KAZN: variants seen among roughly 807,000 people sequenced by gnomAD.
KAZN encodes the protein kazrin, periplakin interacting protein, also known as kazrin.
Under a neutral mutation model 87.4 loss-of-function variants are expected in KAZN, and 40 were observed. The ratio of observed to expected loss-of-function variants is 0.46; its 90% CI spans 0.36 to 0.60. KAZN has a LOEUF of 0.60. Ranked by LOEUF, KAZN falls within the 20% of genes least tolerant of loss-of-function variation. KAZN has a pLI of 0.00. For missense variants in KAZN, 898 were observed against 1,073.9 expected (o/e 0.84, Z 2.29); for synonymous variants, 466 against 458.3 (o/e 1.02, Z -0.22).
chr1:14,451,499 G>C (rs4463663), intron 2 of KAZN, among the ~76,000 whole-genome samples: 60,767 of 151,688 alleles, frequency 0.4, 12,378 homozygotes, highest in Middle Eastern at 0.57. Context: ...GATGGGAGGC[G>C]AGATGTATCA....
Position 14,763,897 on chromosome 1 carries a change from G to A in KAZN, c.226+164674G>A, listed in dbSNP as rs540477778. On this transcript the variant is annotated intron_variant, in intron 1 of 14. Coordinates refer to ENST00000376030, the MANE Select transcript of KAZN (RefSeq NM_201628.3). The stretch of plus-strand genomic sequence containing the variant: ...CCCAAGTAGCTGGGGTTACAGGCAC[G>A]TGCCACCACACCCAGCTAATTTTTG... Among the ~76,000 whole-genome samples the A allele has an allele frequency of 3.3e-5, 5 of 152,152 alleles. No homozygotes were observed. The South Asian group carries it at 6.2e-4, about 19-fold the overall frequency.
chr1:14,492,961 G>A (rs1416039128), intron 2 of KAZN, among the ~76,000 whole-genome samples: 2 of 151,648 alleles, frequency 1.3e-5, no homozygotes, highest in Admixed American at 6.6e-5. Context: ...ATCAGGTCCC[G>A]GCCCTCTTCT....
At chr1:14,473,249 A>AC (rs1668546657) in intron 2 of KAZN, among the ~76,000 whole-genome samples, 1 of 119,730 alleles carries the variant, frequency 8.4e-6, no homozygotes, top group Admixed American at 8.8e-5. Flanking sequence ...GGACATACTT[A>AC]TCTAAAGGTT....
intron 2 of KAZN, among the ~76,000 whole-genome samples, chr1:14,573,900 T>C (rs1433689510): frequency 6.6e-6 from 1 of 152,138 alleles, no homozygotes; most frequent in Non-Finnish European, 1.5e-5. Context: ...AAAAAAGTCT[T>C]AATTAAGATA....
chr1:13,918,713 A>T (rs935626215), intron 1 of KAZN, among the ~76,000 whole-genome samples: 5 of 152,262 alleles, frequency 3.3e-5, no homozygotes, highest in Admixed American at 1.3e-4. Context: ...GGCCACAGCC[A>T]TTCCAACCTT....
At chr1:14,584,222 A>C (rs1675717494) in intron 2 of KAZN, among the ~76,000 whole-genome samples, 1 of 152,228 alleles carries the variant, frequency 6.6e-6, no homozygotes, top group African/African-American at 2.4e-5. Context: ...TCAAAGGAGC[A>C]TGTGCCCTAG....
At chr1:14,030,325 CA>C (rs1641264136) in intron 1 of KAZN, among the ~76,000 whole-genome samples, 1 of 149,620 alleles carries the variant, frequency 6.7e-6, no homozygotes, top group Admixed American at 6.8e-5. Flanking sequence ...TAAACTATCG[CA>C]AGAACAAAAA....
At chr1:14,460,636 C>T (rs145662318) in intron 2 of KAZN, among the ~76,000 whole-genome samples, 2 of 152,312 alleles carry the variant, frequency 1.3e-5, no homozygotes, top group East Asian at 3.9e-4. Flanking sequence ...CTTTAAGTCA[C>T]TGTCTGGGAT....
At chr1:14,943,641 G>A (rs1312980219) in intron 1 of KAZN, among the ~76,000 whole-genome samples, 1 of 152,268 alleles carries the variant, frequency 6.6e-6, no homozygotes, top group Non-Finnish European at 1.5e-5. Context: ...ACAGATGAGA[G>A]AACTGAGTCA....
chr1:14,032,549 T>A (rs1641373011), intron 1 of KAZN, among the ~76,000 whole-genome samples: 1 of 152,196 alleles, frequency 6.6e-6, no homozygotes, highest in Non-Finnish European at 1.5e-5. Flanking sequence ...CTATTGTCTC[T>A]TGCTGAAATG....
At chr1:14,623,743 T>C (rs1678894332) in intron 1 of KAZN, among the ~76,000 whole-genome samples, 1 of 152,192 alleles carries the variant, frequency 6.6e-6, no homozygotes, top group Admixed American at 6.5e-5. Context: ...ACCTTGTATG[T>C]TCATTTTCAT....
intron 1 of KAZN, among the ~76,000 whole-genome samples, chr1:14,834,012 CACACACAT>C (rs796898374): frequency 0.012 from 1,813 of 149,686 alleles, 58 homozygotes; most frequent in Admixed American, 0.075. Flanking sequence ...CACACACATA[CACACACAT>C]ACATACATAT....
intron 2 of KAZN, among the ~76,000 whole-genome samples, chr1:14,519,294 G>T (rs1416721332): frequency 6.6e-6 from 1 of 152,196 alleles, no homozygotes; most frequent in Non-Finnish European, 1.5e-5. Context: ...TGCAAAGAAA[G>T]CAACCCTCTG....
chr1:14,446,460 G>T (rs1010184741), intron 2 of KAZN, among the ~76,000 whole-genome samples: 2 of 152,080 alleles, frequency 1.3e-5, no homozygotes, highest in African/African-American at 4.8e-5. Flanking sequence ...GCCTCCCTAG[G>T]ATGCTAGTGG....
intron 2 of KAZN, among the ~76,000 whole-genome samples, chr1:14,189,405 A>G (rs1354035086): frequency 6.6e-6 from 1 of 152,178 alleles, no homozygotes; most frequent in Admixed American, 6.5e-5. Flanking sequence ...TGTATCCGTG[A>G]CTGCTGCCTT....
chr1:14,865,324 T>C (rs1173171468), intron 1 of KAZN, among the ~76,000 whole-genome samples: 1 of 152,198 alleles, frequency 6.6e-6, no homozygotes, highest in African/African-American at 2.4e-5. Context: ...TAGAATTGCT[T>C]ATTAGGACCT....
intron 2 of KAZN, among the ~76,000 whole-genome samples, chr1:14,418,863 G>T (rs1038529689): frequency 2.0e-5 from 3 of 152,168 alleles, no homozygotes; most frequent in Non-Finnish European, 4.4e-5. Flanking sequence ...CAGTACACTT[G>T]TGTGTGTGCA....
chr1:14,139,020 G>A (rs755424928), intron 1 of KAZN, among the ~76,000 whole-genome samples: 2 of 152,172 alleles, frequency 1.3e-5, no homozygotes, highest in African/African-American at 4.8e-5. Flanking sequence ...CCAGAAAAGC[G>A]GCAGCCTTCT....
intron 1 of KAZN, among the ~76,000 whole-genome samples, chr1:14,087,718 T>C (rs1402174783): frequency 6.6e-6 from 1 of 152,024 alleles, no homozygotes; most frequent in East Asian, 1.9e-4. Flanking sequence ...GTCAGACGGT[T>C]TTTCTGTTTT....
Sources: gnomAD v4.1 joint callset for allele counts (sites outside exome capture counted in the v4.1 genomes callset) on GRCh38, gnomAD v4.1.1 for gene constraint, MANE v1.5 for transcripts, NCBI Gene and HGNC (gene_info 2026-07-23, HGNC 2026-07-21) for gene names.